PCDHGA5: variants seen among roughly 807,000 people sequenced by gnomAD.
The protein encoded by PCDHGA5 is protocadherin gamma-A5.
PCDHGA5 carries 36 observed loss-of-function variants against 56.7 expected under a neutral mutation model. The observed-to-expected ratio is 0.64, with a 90% CI of 0.49 to 0.84. PCDHGA5 has a LOEUF of 0.84. Ranked by LOEUF, PCDHGA5 falls within the 40% of genes least tolerant of loss-of-function variation. The probability of loss-of-function intolerance (pLI) is 0.00; values close to 1 mark genes in which losing one functional copy is unlikely to be tolerated. For synonymous variants in PCDHGA5, 563 were observed against 520.2 expected, an observed-to-expected ratio of 1.08 and a Z score of -1.12; for missense variants, 1,305 against 1,201.5, an observed-to-expected ratio of 1.09 and a Z score of -1.27.
rs774898388 is a variant in PCDHGA5, at chr5:141,491,593, A to G, written c.2422-3214A>G. 6.8e-6 allele frequency: 11 copies of G among 1,613,918 alleles called. No individual in the cohort carries two copies. In the Admixed American group the frequency reaches 1.2e-4, roughly 17 times the overall value. Reference sequence around the variant, plus strand: ...GTGCTTTTCACCGGCCTCGGACGGCAGTGACTTCACTTTTCTAAGACCCCT... The same window carrying G: ...GTGCTTTTCACCGGCCTCGGACGGCGGTGACTTCACTTTTCTAAGACCCCT... On this transcript the variant is annotated intron_variant, in intron 1 of 3. Transcript: ENST00000518069. This position sits in a 1 kb window ranked among gnomAD's most constrained non-coding sequence, Gnocchi z 6.9.
At chr5:141,372,991 G>T (rs758452366) in intron 1 of PCDHGA5, among the ~76,000 whole-genome samples, 6 of 152,158 alleles carry the variant, frequency 3.9e-5, no homozygotes, top group Admixed American at 2.0e-4. Context: ...TGTTGCAGTT[G>T]TTCTTTCATA....
intron 1 of PCDHGA5, chr5:141,423,820 C>T: frequency 7.9e-7 from 1 of 1,272,642 alleles, no homozygotes. Context: ...TTTTACTTTG[C>T]CTTTCATGAG....
chr5:141,376,188 G>A (rs1772391716), intron 1 of PCDHGA5: 2 of 1,614,124 alleles, frequency 1.2e-6, no homozygotes, highest in South Asian at 2.2e-5. Context: ...GCGGTCTCCT[G>A]CGTCTTCCTG....
chr5:141,382,954 C>T, intron 1 of PCDHGA5: 1 of 1,604,450 alleles, frequency 6.2e-7, no homozygotes, highest in East Asian at 2.2e-5. Flanking sequence ...GCTCTCCATC[C>T]TCCTGGGGAC....
At chr5:141,405,309 A>T (rs1019536231) in intron 1 of PCDHGA5, 2 of 1,614,068 alleles carry the variant, frequency 1.2e-6, no homozygotes, top group Non-Finnish European at 1.7e-6. Context: ...CAGAGCTGTG[A>T]GAAAAATGAG....
rs139344941 is a variant in PCDHGA5, at chr5:141,480,950, C to T, written c.2422-13857C>T. Among the ~76,000 whole-genome samples the T allele has an allele frequency of 6.7e-3, 1,016 of 152,086 alleles. 11 individuals carry two copies. Among genetic ancestry groups the T allele is most frequent in the African/African-American group, 0.023 (953 of 41,456 alleles). On this transcript the variant is annotated intron_variant, in intron 1 of 3. Transcript: ENST00000518069. ...GTCCCAGCTACTCTAGAGGCTGAGG[C>T]GGAAGCATCAGTGAGGGAGAATCAG...
chr5:141,409,700 G>GCGGTGT (rs1561722150), intron 1 of PCDHGA5: 2 of 1,613,280 alleles, frequency 1.2e-6, no homozygotes, highest in Admixed American at 3.3e-5. Flanking sequence ...AGAGCCCCTG[G>GCGGTGT]CGGTGTCGTC....
chr5:141,372,323 G>T, intron 1 of PCDHGA5: 5 of 1,613,694 alleles, frequency 3.1e-6, no homozygotes, highest in Non-Finnish European at 4.2e-6. Context: ...AGCGCCTGCT[G>T]GTCACTGTGC....
intron 2 of PCDHGA5, among the ~76,000 whole-genome samples, chr5:141,503,614 A>G (rs1595875970): frequency 6.6e-6 from 1 of 151,640 alleles, no homozygotes; most frequent in South Asian, 2.1e-4. Flanking sequence ...AAAAAAAAAA[A>G]GAAAAAAGAA....
At chr5:141,484,966 G>A in intron 1 of PCDHGA5, 1 of 583,968 alleles carries the variant, frequency 1.7e-6, no homozygotes. Context: ...GAGCCCGGGA[G>A]CCGCTGTCTG....
chr5:141,375,181 C>T (rs868598149), intron 1 of PCDHGA5: 1 of 1,613,954 alleles, frequency 6.2e-7, no homozygotes, highest in Non-Finnish European at 8.5e-7. Flanking sequence ...GAACAGTAAT[C>T]GCCCTTTTTC....
chr5:141,382,948 T>C, intron 1 of PCDHGA5: 4 of 1,599,496 alleles, frequency 2.5e-6, no homozygotes, highest in Non-Finnish European at 3.4e-6. Flanking sequence ...CTTCCTGCTC[T>C]CCATCCTCCT....
intron 1 of PCDHGA5, chr5:141,393,121 T>C: frequency 6.2e-7 from 1 of 1,613,428 alleles, no homozygotes; most frequent in Non-Finnish European, 8.5e-7. Context: ...CCGCGGTGTC[T>C]GATAAATATT....
chr5:141,426,676 A>T (rs1209949988), intron 1 of PCDHGA5: 4 of 431,700 alleles, frequency 9.3e-6, no homozygotes, highest in Non-Finnish European at 1.9e-5. Context: ...AACCCACCTC[A>T]TTTTCCCCAA....
chr5:141,419,470 G>A (rs2096387963), intron 1 of PCDHGA5: 1 of 1,612,362 alleles, frequency 6.2e-7, no homozygotes, highest in African/African-American at 1.3e-5. Context: ...CCCGCGACCA[G>A]GGCTCGCCCG....
At chr5:141,421,300 C>A (rs377161386) in intron 1 of PCDHGA5, 2 of 1,613,320 alleles carry the variant, frequency 1.2e-6, no homozygotes, top group African/African-American at 1.3e-5. Context: ...GGGGACGCTG[C>A]GGGGGTTCCG....
In PCDHGA5 at chr5:141,389,793, C is replaced by T. The variant is rs773579820; in HGVS notation, c.2421+23042C>T. On this transcript the variant is annotated intron_variant, in intron 1 of 3. Coordinates refer to ENST00000518069, the MANE Select transcript of PCDHGA5 (RefSeq NM_018918.3). Reference sequence around the variant, plus strand: ...TGCCTTAGGCGACAGGGACGCCGTCCGCCAGCGCCTTCTGGTCGCCGTGCG... The same window carrying T: ...TGCCTTAGGCGACAGGGACGCCGTCTGCCAGCGCCTTCTGGTCGCCGTGCG... 8.7e-6 allele frequency: 14 copies of T among 1,613,452 alleles called. No homozygotes were observed. The Admixed American group carries it at 1.8e-4, about 21-fold the overall frequency.
At chr5:141,479,620 G>A (rs2099501211) in intron 1 of PCDHGA5, 2 of 152,192 alleles carry the variant, frequency 1.3e-5, no homozygotes, top group African/African-American at 4.8e-5. Context: ...GGGAAACCAT[G>A]TCTCTTTAAC....
At chr5:141,390,373 ATT>A in intron 1 of PCDHGA5, 3 of 1,481,208 alleles carry the variant, frequency 2.0e-6, no homozygotes, top group Non-Finnish European at 2.8e-6. Flanking sequence ...AAAATATATA[ATT>A]TTTAGATGTC....
Sources: gnomAD v4.1 joint callset for allele counts (sites outside exome capture counted in the v4.1 genomes callset) on GRCh38, gnomAD v4.1.1 for gene constraint, Gnocchi (gnomAD v3.1) non-coding constraint, MANE v1.5 for transcripts, NCBI Gene and HGNC (gene_info 2026-07-23, HGNC 2026-07-21) for gene names.